Variants in PLAAT5 observed in about 807,000 individuals in gnomAD.
PLAAT5 encodes Ca(2+)-independent N-acyltransferase.
A neutral mutation model predicts 27.8 loss-of-function variants in PLAAT5; 27 were observed. The ratio of observed to expected loss-of-function variants is 0.97; its 90% CI spans 0.72 to 1.34. The LOEUF is 1.34. Ranked by LOEUF, PLAAT5 falls within the 40% of genes most tolerant of loss-of-function variation. The pLI is 0.00. For synonymous variants in PLAAT5, 125 were observed against 136.1 expected, an observed-to-expected ratio of 0.92 and a Z score of 0.57; for missense variants, 368 against 343.8, an observed-to-expected ratio of 1.07 and a Z score of -0.56.
At chr11:63,486,626 A>G (rs2120340953) in intron 3 of PLAAT5, among the ~76,000 whole-genome samples, 1 of 152,274 alleles carries the variant, frequency 6.6e-6, no homozygotes, top group South Asian at 2.1e-4. Flanking sequence ...ACAAAGGCAT[A>G]AGAATGATGT....
rs763115317 is a variant in PLAAT5 at position 63,490,929 on chromosome 11, C to A, written c.106G>T (p.Asp36Tyr). The change falls in exon 1 of 6, where the codon GAC becomes TAC. Residue 36 changes from aspartate to tyrosine, a missense_variant. By Grantham distance (160) the Asp-to-Tyr change is radical. Coordinates refer to ENST00000540857, the MANE Select transcript of PLAAT5 (RefSeq NM_001146729.2). ...GAACGTCTGAGCGCAGGCGGCTGGT[C>A]CTTGGGCCCGGTACTGGCGGTTCGC... ...ASRTASTGPKDQPPALRRSAV... is the reference protein window; with the variant it reads ...ASRTASTGPKYQPPALRRSAV... 4.3e-5 allele frequency: 69 copies of A among 1,603,546 alleles called. No individual in the cohort carries two copies. Among genetic ancestry groups the A allele is most frequent in the Non-Finnish European group, 5.8e-5 (68 of 1,175,430 alleles).
At chr11:63,484,716 C>T (rs1264012816) in intron 3 of PLAAT5, among the ~76,000 whole-genome samples, 1 of 152,132 alleles carries the variant, frequency 6.6e-6, no homozygotes, top group Non-Finnish European at 1.5e-5. Context: ...TGAAAGCATT[C>T]CCCCAGATAA....
At chr11:63,472,248 T>C (rs1375891242) in intron 3 of PLAAT5, among the ~76,000 whole-genome samples, 3 of 152,116 alleles carry the variant, frequency 2.0e-5, no homozygotes, top group Admixed American at 6.5e-5. Flanking sequence ...CAGCCATCAA[T>C]AAGGACCAGT....
At chr11:63,477,420 T>C (rs754790070) in intron 3 of PLAAT5, among the ~76,000 whole-genome samples, 9 of 152,186 alleles carry the variant, frequency 5.9e-5, no homozygotes. Context: ...TGATGTCTGT[T>C]TGTCTCACAG....
rs150197207 is a variant in PLAAT5, at chr11:63,463,569, C to T, written c.744G>A (p.Ala248=). 27 of 1,613,684 alleles carry T rather than the reference C, an allele frequency of 1.7e-5. No individual in the cohort carries two copies. The highest frequency in any genetic ancestry group is 2.7e-5 in the African/African-American group (2 of 74,916). ...CTGAAATAACTGCTCCAGCAGCCTT[C>T]GCTCCTTCCATCAGGGCGTGCTCTA... is the stretch of plus-strand genomic sequence containing the variant. ...QQVEHALMEG[A]KAAGAVISAV... is the part of the protein sequence containing the mutation. The change falls in exon 6 of 6, where the codon GCG becomes GCA. Residue 248 remains alanine (A), a synonymous_variant. Transcript: ENST00000540857.
rs908860986 is a variant in PLAAT5, at chr11:63,463,171, C to A, written c.*332G>T. ...GGTTTCTGGGATGTTTCTGATGGCACTCAAGCATCGGAGACCAAGGTCAGC... is the reference window on the plus strand; with the variant it reads ...GGTTTCTGGGATGTTTCTGATGGCAATCAAGCATCGGAGACCAAGGTCAGC... On this transcript the variant is annotated 3_prime_UTR_variant, in exon 6 of 6. Transcript: ENST00000540857. The A allele has an allele frequency of 4.0e-6, 1 of 249,258 alleles. No homozygotes were observed. Among genetic ancestry groups the A allele is most frequent in the Non-Finnish European group, 7.6e-6 (1 of 130,966 alleles). 15.4% of individuals were successfully genotyped at this position (249,258 alleles called of 1,614,324 possible). A position where few individuals can be genotyped will look rare whatever the true frequency, so the allele number is the denominator to read the frequency against.
chr11:63,478,298 T>C (rs1227275442), intron 3 of PLAAT5, among the ~76,000 whole-genome samples: 4 of 151,712 alleles, frequency 2.6e-5, no homozygotes, highest in African/African-American at 7.3e-5. Context: ...AGACTTCCAC[T>C]GTTCTTTCTG....
chr11:63,483,611 G>T (rs1389393633), intron 3 of PLAAT5, among the ~76,000 whole-genome samples: 1 of 136,100 alleles, frequency 7.3e-6, no homozygotes, highest in Non-Finnish European at 1.6e-5. Context: ...CAAAAGTGGT[G>T]CTAAGAGGAA....
intron 3 of PLAAT5, among the ~76,000 whole-genome samples, chr11:63,479,013 C>T (rs1408570889): frequency 1.3e-5 from 2 of 152,202 alleles, no homozygotes; most frequent in Non-Finnish European, 2.9e-5. Context: ...CCATACCAGG[C>T]TTCTCACCCA....
At chr11:63,472,683 T>C (rs961561979) in intron 3 of PLAAT5, among the ~76,000 whole-genome samples, 2 of 152,238 alleles carry the variant, frequency 1.3e-5, no homozygotes, top group Admixed American at 6.5e-5. Flanking sequence ...AGTATTTTTA[T>C]GCTATGATGA....
rs1415305259 is a variant in PLAAT5, at chr11:63,462,552, G to T, written c.*951C>A. On this transcript the variant is annotated 3_prime_UTR_variant, in exon 6 of 6. Coordinates refer to ENST00000540857, the MANE Select transcript of PLAAT5 (RefSeq NM_001146729.2). ...AGACCTTATCTGAAACACTCTGAGGGTTCCATCTTGCTCTTTTCCACATTC... is the reference window on the plus strand; with the variant it reads ...AGACCTTATCTGAAACACTCTGAGGTTTCCATCTTGCTCTTTTCCACATTC... 2 of 152,102 alleles carry T rather than the reference G, an allele frequency of 1.3e-5. No homozygotes were observed. The highest frequency in any genetic ancestry group is 2.9e-5 in the Non-Finnish European group (2 of 68,036). The allele number at this position is 152,102 out of a possible 1,614,324, so 9.4% of individuals were successfully genotyped here.
intron 4 of PLAAT5, among the ~76,000 whole-genome samples, chr11:63,467,609 C>A (rs1420271483): frequency 6.6e-6 from 1 of 152,148 alleles, no homozygotes; most frequent in Non-Finnish European, 1.5e-5. Context: ...ATTCAAAGTG[C>A]ATTCAATGGT....
intron 3 of PLAAT5, among the ~76,000 whole-genome samples, chr11:63,469,947 G>A (rs990136822): frequency 1.3e-5 from 2 of 152,104 alleles, no homozygotes; most frequent in Admixed American, 6.6e-5. Flanking sequence ...AAATTAGCCA[G>A]GCTTGGTGGC....
rs371766516 is a variant in PLAAT5, at chr11:63,463,481, C to T, written c.*22G>A. The T allele has an allele frequency of 7.6e-6, 12 of 1,577,982 alleles. No homozygotes were observed. The highest frequency in any genetic ancestry group is 1.0e-5 in the Non-Finnish European group (12 of 1,148,278). Reference sequence around the variant, plus strand: ...TTTGCTTGTGTCAGTAACTCTTCCTCTAGCTGGAGTTTTCATCACCTTCAG... The same window carrying T: ...TTTGCTTGTGTCAGTAACTCTTCCTTTAGCTGGAGTTTTCATCACCTTCAG... On this transcript the variant is annotated 3_prime_UTR_variant, in exon 6 of 6. Coordinates refer to ENST00000540857, the MANE Select transcript of PLAAT5 (RefSeq NM_001146729.2).
At chr11:63,481,921 G>A (rs542494563) in intron 3 of PLAAT5, among the ~76,000 whole-genome samples, 15 of 152,180 alleles carry the variant, frequency 9.9e-5, no homozygotes, top group Non-Finnish European at 2.1e-4. Context: ...TAGGGGGAGC[G>A]GGGAGGGATA....
In PLAAT5 at chr11:63,488,926, C is replaced by T. The variant is rs2016498965; in HGVS notation, c.290G>A (p.Trp97Ter). 1.9e-6 allele frequency: 3 copies of T among 1,613,822 alleles called. No individual in the cohort carries two copies. The highest frequency in any genetic ancestry group is 2.5e-6 in the Non-Finnish European group (3 of 1,179,840). Residue 97 changes from tryptophan to a stop codon, truncating the protein, a stop_gained, in exon 3 of 6, where the codon TGG becomes TAG. Transcript: ENST00000540857. LOFTEE classifies it high-confidence loss of function. Reference protein sequence around the residue: ...LETTPSQKADWSSIPKPENEG... With the variant: ...LETTPSQKAD ...ATTCTCAGGCTTTGGAATTGAACTC[C>T]AGTCTGCTTTCTGGCTGGGTGTGGT...
chr11:63,481,814 C>A (rs988345594), intron 3 of PLAAT5, among the ~76,000 whole-genome samples: 5 of 152,052 alleles, frequency 3.3e-5, no homozygotes, highest in African/African-American at 1.2e-4. Flanking sequence ...GGACAAAAAA[C>A]CAAACACCGC....
rs891795559 is a variant in PLAAT5 at position 63,462,617 on chromosome 11, C to T, written c.*886G>A. The T allele has an allele frequency of 1.3e-5, 2 of 152,154 alleles. No homozygotes were observed. The highest frequency in any genetic ancestry group is 2.9e-5 in the Non-Finnish European group (2 of 68,022). 9.4% of individuals were successfully genotyped at this position (152,154 alleles called of 1,614,324 possible). A position where few individuals can be genotyped will look rare whatever the true frequency, so the allele number is the denominator to read the frequency against. ...GTATCTCTGGAGGCATAAGAGAACA[C>T]TTTTCTAGCTTTTTTGGGTGGTTTC... is the stretch of plus-strand genomic sequence containing the variant. On this transcript the variant is annotated 3_prime_UTR_variant, in exon 6 of 6. Transcript: ENST00000540857.
intron 5 of PLAAT5, among the ~76,000 whole-genome samples, chr11:63,464,926 C>G (rs753059153): frequency 6.6e-6 from 1 of 152,100 alleles, no homozygotes; most frequent in Non-Finnish European, 1.5e-5. Context: ...CAGCATGTCC[C>G]TACAGAGTGT....
Sources: allele counts gnomAD v4.1 joint callset (sites outside exome capture counted in the v4.1 genomes callset), GRCh38; gene constraint gnomAD v4.1.1; transcripts MANE v1.5; gene names NCBI Gene and HGNC (gene_info 2026-07-23, HGNC 2026-07-21).